Variants in STAU2 observed in about 807,000 individuals in gnomAD.
STAU2 encodes staufen double-stranded RNA binding protein 2.
In STAU2, 20 loss-of-function variants were observed where a neutral mutation model predicts 65.9. That is an observed-to-expected ratio of 0.30 (90% CI 0.21 to 0.44). The LOEUF (loss-of-function observed/expected upper bound fraction) is 0.44. Ranked by LOEUF, STAU2 falls within the 20% of genes least tolerant of loss-of-function variation. STAU2 has a pLI of 1.00. For missense variants in STAU2, 558 were observed against 683.9 expected (o/e 0.82, Z 2.05); for synonymous variants, 232 against 233.9 (o/e 0.99, Z 0.07).
chr8:73,551,553 T>C lies in STAU2; in HGVS notation c.1530+459A>G, dbSNP rs990155743. The C allele has an allele frequency of 5.1e-6, 5 of 987,882 alleles. No individual in the cohort carries two copies. The African/African-American group carries it at 7.0e-5, about 14-fold the overall frequency. The allele number at this position is 987,882 out of a possible 1,614,324, so 61.2% of individuals were successfully genotyped here. A position where few individuals can be genotyped will look rare whatever the true frequency, so the allele number is the denominator to read the frequency against. On this transcript the variant is annotated intron_variant, in intron 13 of 14. Coordinates refer to ENST00000524300, the MANE Select transcript of STAU2 (RefSeq NM_001164380.2). Reference sequence around the variant, plus strand: ...TATCTTAATGGTGTACCTGAATCAATACTAGCAATAGAATGCAAAATTCAA... The same window carrying C: ...TATCTTAATGGTGTACCTGAATCAACACTAGCAATAGAATGCAAAATTCAA...
intron 12 of STAU2, among the ~76,000 whole-genome samples, chr8:73,572,982 T>G (rs1386486709): frequency 6.6e-6 from 1 of 152,210 alleles, no homozygotes; most frequent in East Asian, 1.9e-4. Flanking sequence ...GCAGATGACA[T>G]GATTGTATAT....
chr8:73,640,180 T>G (rs920602642), intron 6 of STAU2, among the ~76,000 whole-genome samples: 9 of 151,904 alleles, frequency 5.9e-5, no homozygotes, highest in Admixed American at 1.3e-4. Context: ...CAAACCCAAG[T>G]GCTTCCTATA....
intron 5 of STAU2, among the ~76,000 whole-genome samples, chr8:73,674,211 A>G (rs1050588875): frequency 2.0e-5 from 3 of 151,780 alleles, no homozygotes; most frequent in Non-Finnish European, 4.4e-5. Flanking sequence ...TTTTGAAAAC[A>G]TGAATTTTTT....
At chr8:73,620,920 G>C (rs1813181208) in intron 6 of STAU2, among the ~76,000 whole-genome samples, 1 of 152,144 alleles carries the variant, frequency 6.6e-6, no homozygotes, top group African/African-American at 2.4e-5. Flanking sequence ...CATCCAGATT[G>C]AATTACAGGG....
At chr8:73,512,352 T>C (rs4425749) in intron 13 of STAU2, among the ~76,000 whole-genome samples, 78,144 of 152,006 alleles carry the variant, frequency 0.51, 20,153 homozygotes, top group Non-Finnish European at 0.54. Flanking sequence ...AAGTGCGAAC[T>C]TAACACTAAA....
At chr8:73,601,422 T>C (rs1157132236) in intron 10 of STAU2, among the ~76,000 whole-genome samples, 2 of 152,146 alleles carry the variant, frequency 1.3e-5, no homozygotes, top group Non-Finnish European at 2.9e-5. Context: ...AATAATGTCA[T>C]CGGAGATTTT....
intron 12 of STAU2, among the ~76,000 whole-genome samples, chr8:73,556,281 C>A (rs1292986625): frequency 2.0e-5 from 3 of 152,064 alleles, no homozygotes; most frequent in Non-Finnish European, 4.4e-5. Context: ...ATTCTTGTAA[C>A]TCAATCCTTA....
At chr8:73,602,279 A>G (rs557031719) in intron 10 of STAU2, among the ~76,000 whole-genome samples, 10 of 152,346 alleles carry the variant, frequency 6.6e-5, no homozygotes, top group African/African-American at 2.4e-4. Flanking sequence ...CTTAATCAAT[A>G]TGAGACACTG....
chr8:73,603,607 C>T, intron 10 of STAU2, 119 bp downstream of exon 10: 3 of 1,328,288 alleles, frequency 2.3e-6, no homozygotes, highest in South Asian at 1.6e-5. Flanking sequence ...AGAATGAATG[C>T]TTTAACTGGA....
intron 13 of STAU2, among the ~76,000 whole-genome samples, chr8:73,515,326 T>C (rs1210672909): frequency 6.6e-6 from 1 of 152,160 alleles, no homozygotes; most frequent in Non-Finnish European, 1.5e-5. Flanking sequence ...ATTTTAACAA[T>C]TGGCACGACA....
chr8:73,544,512 T>C lies in STAU2; in HGVS notation c.1530+7500A>G, dbSNP rs1806767324. Reference sequence around the variant, plus strand: ...CCTCACTAGCCACTTCCACTTTAAATTATTTTCTAAAACACCATGCCCTTT... The same window carrying C: ...CCTCACTAGCCACTTCCACTTTAAACTATTTTCTAAAACACCATGCCCTTT... On this transcript the variant is annotated intron_variant, in intron 13 of 14. Transcript: ENST00000524300. 2.6e-5 allele frequency among the ~76,000 whole-genome samples: 4 copies of C among 152,236 alleles called. No homozygotes were observed. In the South Asian group the frequency reaches 8.3e-4, roughly 31 times the overall value.
Position 73,617,358 on chromosome 8 carries a change from T to C in STAU2, c.504A>G (p.Arg168=). The C allele has an allele frequency of 6.2e-7, 1 of 1,614,160 alleles. No homozygotes were observed. ...FGEGKTRQAA[R]HNAAMKALQA... ...GGAGGGCTTTCATTGCAGCATTGTG[T>C]CTAGCAGCTTGTCGAGTCTTTCCTT... Residue 168 remains arginine, a synonymous_variant, in exon 7 of 15, where the codon AGA becomes AGG. Transcript: ENST00000524300.
chr8:73,485,783 G>A (rs1230318258), intron 13 of STAU2, among the ~76,000 whole-genome samples: 1 of 152,042 alleles, frequency 6.6e-6, no homozygotes, highest in African/African-American at 2.4e-5. Flanking sequence ...ATAGTGAGCT[G>A]TAATAGTGCC....
intron 13 of STAU2, among the ~76,000 whole-genome samples, chr8:73,428,486 T>C (rs1348840240): frequency 2.0e-5 from 3 of 152,116 alleles, no homozygotes; most frequent in African/African-American, 7.2e-5. Flanking sequence ...AATACCCAGA[T>C]GTGACAGTGC....
chr8:73,613,702 T>C, intron 9 of STAU2, 42 bp downstream of exon 9: 6 of 1,473,198 alleles, frequency 4.1e-6, no homozygotes, highest in Non-Finnish European at 5.5e-6. Flanking sequence ...ACTATAATAT[T>C]TATTTAGTAA....
intron 10 of STAU2, among the ~76,000 whole-genome samples, chr8:73,600,731 T>C (rs574063017): frequency 6.6e-6 from 1 of 152,330 alleles, no homozygotes; most frequent in South Asian, 2.1e-4. Context: ...GTATTCACCT[T>C]GTCTCTCCGT....
chr8:73,509,056 A>G (rs964063620), intron 13 of STAU2, among the ~76,000 whole-genome samples: 1 of 152,198 alleles, frequency 6.6e-6, no homozygotes, highest in African/African-American at 2.4e-5. Flanking sequence ...TTTACATTTA[A>G]CTTTTTAAAG....
At chr8:73,732,510 A>G (rs1806137611) in intron 3 of STAU2, 1 of 152,206 alleles carries the variant, frequency 6.6e-6, no homozygotes, top group Admixed American at 6.5e-5. Context: ...TTATACCAGC[A>G]TAGGGGAAAG....
At position 73,595,292 on chromosome 8, in the gene STAU2, C is replaced by T. The variant is rs1384097178; in HGVS notation, c.1035G>A (p.Lys345=). 2 of 1,591,902 alleles carry T rather than the reference C, an allele frequency of 1.3e-6. No homozygotes were observed. The highest frequency in any genetic ancestry group is 2.7e-5 in the African/African-American group (2 of 73,866). The change falls in exon 11 of 15, where the codon AAG becomes AAA. Residue 345 remains lysine (K), a synonymous_variant. Coordinates refer to ENST00000524300, the MANE Select transcript of STAU2 (RefSeq NM_001164380.2). ...TTCCTGTAGCAACTTCATTGCCTAC[C>T]TTCACCTGATAAGATTAAAGAAATA... ...PRRREFVMQV[K]VGNEVATGTG...
Sources: gnomAD v4.1 joint callset for allele counts (sites outside exome capture counted in the v4.1 genomes callset) on GRCh38, gnomAD v4.1.1 for gene constraint, MANE v1.5 for transcripts, NCBI Gene and HGNC (gene_info 2026-07-23, HGNC 2026-07-21) for gene names.